ASPG: variants seen among roughly 807,000 people sequenced by gnomAD.
The protein encoded by ASPG is 60 kDa lysophospholipase.
Under a neutral mutation model 63.2 loss-of-function variants are expected in ASPG, and 53 were observed. The ratio of observed to expected loss-of-function variants is 0.84; its 90% CI spans 0.67 to 1.05. The LOEUF (loss-of-function observed/expected upper bound fraction) is 1.05. Among genes scored for constraint, ASPG ranks in the 50% least tolerant of loss-of-function variants. The pLI, the probability that ASPG is intolerant of heterozygous loss-of-function variation, is 0.00. For synonymous variants in ASPG, 370 were observed against 355.0 expected, an observed-to-expected ratio of 1.04 and a Z score of -0.48; for missense variants, 741 against 794.4, an observed-to-expected ratio of 0.93 and a Z score of 0.81.
chr14:104,108,272 G>A, intron 12 of ASPG: 1 of 272,920 alleles, frequency 3.7e-6, no homozygotes, highest in Non-Finnish European at 5.6e-6. Context: ...GGGCTGTGAG[G>A]GTCCCCCCGA....
At chr14:104,093,366 C>T (rs762106061) in intron 2 of ASPG, 125 bp from the exon 3 acceptor site, 74 of 830,834 alleles carry the variant, frequency 8.9e-5, no homozygotes, top group Non-Finnish European at 1.3e-4. Context: ...TTGCTATGTG[C>T]GGAGCCCTTG....
chr14:104,107,918 C>G (rs756393123), intron 12 of ASPG, among the ~76,000 whole-genome samples: 20 of 152,144 alleles, frequency 1.3e-4, no homozygotes, highest in Non-Finnish European at 2.8e-4. Context: ...CTGCTGGTGC[C>G]GCTGCCCGGA....
At position 104,107,334 on chromosome 14, in the gene ASPG, C is replaced by T. The variant is rs771420848; in HGVS notation, c.1422C>T (p.Ala474=). The T allele has an allele frequency of 3.4e-5, 54 of 1,580,492 alleles. No homozygotes were observed. The highest frequency in any genetic ancestry group is 3.3e-4 in the Admixed American group (19 of 56,838). ...DTDGFSPLLL[A]VRGRHPGVIG... ...ATGGCTTCAGCCCGCTGCTGCTGGC[C>T]GTGCGGGGCAGGTAATGGAGCTAGG... Residue 474 remains alanine (A), a synonymous_variant, in exon 12 of 16, where the codon GCC becomes GCT. Coordinates refer to ENST00000551177, the MANE Select transcript of ASPG (RefSeq NM_001080464.3).
In ASPG at chr14:104,095,578, C is replaced by T. The variant is rs150416921; in HGVS notation, c.351C>T (p.Asp117=). ...YHGFVVIHGT[D]TMAFAASMLS... ...GCTTTGTGGTCATCCACGGCACCGACACCATGGCCTTTGCTGCCTCGATGC... is the reference window on the plus strand; with the variant it reads ...GCTTTGTGGTCATCCACGGCACCGATACCATGGCCTTTGCTGCCTCGATGC... Residue 117 remains aspartate (D), a synonymous_variant, in exon 4 of 16, where the codon GAC becomes GAT. Transcript: ENST00000551177. 7 of 1,613,268 alleles carry T rather than the reference C, an allele frequency of 4.3e-6. No individual in the cohort carries two copies. Among genetic ancestry groups the T allele is most frequent in the Non-Finnish European group, 5.9e-6 (7 of 1,179,838 alleles).
At chr14:104,095,744 C>A in intron 4 of ASPG, 88 bp downstream of exon 4, 1 of 1,545,536 alleles carries the variant, frequency 6.5e-7, no homozygotes, top group South Asian at 1.1e-5. Context: ...CTGCGGGACC[C>A]CGGGCTTCCT....
chr14:104,096,249 C>T (rs2036590491), intron 4 of ASPG, among the ~76,000 whole-genome samples: 1 of 152,136 alleles, frequency 6.6e-6, no homozygotes, highest in Admixed American at 6.5e-5. Context: ...ACTAGGGGTC[C>T]ATGTTGCCTG....
rs58405958 is a variant in ASPG at position 104,089,947 on chromosome 14, CAAAAAAAAAA to C, written c.83-2668_83-2659del. Among the ~76,000 whole-genome samples the C allele has an allele frequency of 1.8e-4, 10 of 56,352 alleles. No homozygotes were observed. In the East Asian group the frequency reaches 4.9e-3, roughly 28 times the overall value. The allele number at this position is 56,352 out of a possible 152,430, so 37.0% of individuals were successfully genotyped here. The stretch of plus-strand genomic sequence containing the variant: ...TGGGCAACAGAGTGAGACTCTGCCT[CAAAAAAAAAA>C]AAAAAAAAAAAAAAAAAGGAAGAAA... On this transcript the variant is annotated intron_variant, in intron 1 of 15. Transcript: ENST00000551177.
chr14:104,092,424 C>T (rs1274488210), intron 1 of ASPG, among the ~76,000 whole-genome samples: 1 of 152,170 alleles, frequency 6.6e-6, no homozygotes, highest in Non-Finnish European at 1.5e-5. Flanking sequence ...ACCACGGGCT[C>T]CAAGGCAGGA....
At chr14:104,089,133 G>C (rs1454354103) in intron 1 of ASPG, among the ~76,000 whole-genome samples, 5 of 152,030 alleles carry the variant, frequency 3.3e-5, no homozygotes, top group Admixed American at 2.6e-4. Context: ...CCATTCTCCT[G>C]CCTCAGCCTC....
At position 104,109,181 on chromosome 14, in the gene ASPG, G is replaced by T; in HGVS notation, c.1434-48G>T. 1.2e-6 allele frequency: 2 copies of T among 1,602,888 alleles called. No homozygotes were observed. Among genetic ancestry groups the T allele is most frequent in the Non-Finnish European group, 1.7e-6 (2 of 1,175,378 alleles). The stretch of plus-strand genomic sequence containing the variant: ...GCTGGCTCCTGAGTGAGGTGCAGCG[G>T]GGCTGGGCTGGCCAGGGCAGAAGGT... On this transcript the variant is annotated intron_variant, in intron 12 of 15. Transcript: ENST00000551177. The surrounding 1 kb of genome is among the most constrained non-coding windows in gnomAD (Gnocchi z 4.8).
chr14:104,098,051 G>C (rs1353479471), intron 5 of ASPG, among the ~76,000 whole-genome samples: 1 of 78,486 alleles, frequency 1.3e-5, no homozygotes, highest in Non-Finnish European at 2.9e-5. Context: ...GAGGTTTTGC[G>C]TTAGAGATGC....
rs1221234546 is a variant in ASPG, at chr14:104,104,281, G to T, written c.754-23G>T. ...TGAGGGCAGAGACCCTCACCATCCA[G>T]CCCCCACCCCACCGCCCCACAGGTT... On this transcript the variant is annotated intron_variant, in intron 7 of 15. Transcript: ENST00000551177. 1.9e-6 allele frequency: 3 copies of T among 1,601,716 alleles called. No homozygotes were observed. The African/African-American group carries it at 4.0e-5, about 21-fold the overall frequency.
At chr14:104,087,698 T>C (rs2036256946) in intron 1 of ASPG, among the ~76,000 whole-genome samples, 1 of 152,142 alleles carries the variant, frequency 6.6e-6, no homozygotes, top group South Asian at 2.1e-4. Context: ...TGTGGCCAAC[T>C]GCAGTTTCGT....
In ASPG at chr14:104,091,213, C is replaced by T. The variant is rs549807374; in HGVS notation, c.83-1420C>T. 6.6e-6 allele frequency among the ~76,000 whole-genome samples: 1 copy of T among 151,912 alleles called. No individual in the cohort carries two copies. Among genetic ancestry groups the T allele is most frequent in the African/African-American group, 2.4e-5 (1 of 41,420 alleles). ...CTTTTTCAACCCACCATACATGAGA[C>T]AGGGACACTTGGACACCGGTGTGGG... is the stretch of plus-strand genomic sequence containing the variant. On this transcript the variant is annotated intron_variant, in intron 1 of 15. Transcript: ENST00000551177. The surrounding 1 kb of genome is among the most constrained non-coding windows in gnomAD (Gnocchi z 6.4).
chr14:104,089,433 C>T (rs1376608614), intron 1 of ASPG, among the ~76,000 whole-genome samples: 2 of 151,906 alleles, frequency 1.3e-5, no homozygotes, highest in African/African-American at 4.8e-5. Context: ...GCATGAGAAT[C>T]GCTTGAACCC....
chr14:104,092,694 G>C lies in ASPG; in HGVS notation c.144G>C (p.Glu48Asp), dbSNP rs767603910. 5.9e-6 allele frequency: 9 copies of C among 1,537,856 alleles called. No individual in the cohort carries two copies. The highest frequency in any genetic ancestry group is 7.0e-6 in the Non-Finnish European group (8 of 1,147,674). Residue 48 changes from glutamate (E) to aspartate (D), a missense_variant, in exon 2 of 16, where the codon GAG becomes GAC. Transcript: ENST00000551177. ...GGACACTGCCCATGTTCCATGACGA[G>C]GAGCACGCCCGAGCCCGCGGCCTCT... ...ILRTLPMFHD[E>D]EHARARGLSE...
chr14:104,098,217 C>T (rs565000385), intron 5 of ASPG, among the ~76,000 whole-genome samples: 3 of 152,030 alleles, frequency 2.0e-5, no homozygotes, highest in Admixed American at 6.6e-5. Flanking sequence ...GTTAGAGATA[C>T]GTATGGAGGT....
intron 6 of ASPG, among the ~76,000 whole-genome samples, chr14:104,100,996 T>A (rs1263861215): frequency 6.6e-6 from 1 of 152,170 alleles, no homozygotes; most frequent in Non-Finnish European, 1.5e-5. Context: ...TTCCAGGGAC[T>A]CCGCCAGCAC....
chr14:104,105,135 T>G (rs999017488), intron 9 of ASPG, 193 bp from the exon 10 acceptor site: 1 of 814,618 alleles, frequency 1.2e-6, no homozygotes, highest in African/African-American at 1.7e-5. Context: ...GACCCTGAGC[T>G]GGTAGGGCCA....
Sources: gnomAD v4.1 joint callset for allele counts (sites outside exome capture counted in the v4.1 genomes callset) on GRCh38, gnomAD v4.1.1 for gene constraint, Gnocchi (gnomAD v3.1) non-coding constraint, MANE v1.5 for transcripts, NCBI Gene and HGNC (gene_info 2026-07-23, HGNC 2026-07-21) for gene names.